The following EHF variants were observed in gnomAD, a reference collection of about 807,000 sequenced individuals.
The protein encoded by EHF is ESE3 transcription factor.
In EHF, 14 loss-of-function variants were observed where a neutral mutation model predicts 45.1. The ratio of observed to expected loss-of-function variants is 0.31; its 90% confidence interval spans 0.21 to 0.49. The LOEUF is 0.49. Ranked by LOEUF, EHF falls within the 20% of genes least tolerant of loss-of-function variation. EHF has a pLI of 0.99. For missense variants in EHF, 282 were observed against 371.4 expected (o/e 0.76, Z 1.98); for synonymous variants, 136 against 131.8 (o/e 1.03, Z -0.22).
chr11:34,632,436 T>A, intron 1 of EHF: 7 of 1,474,244 alleles, frequency 4.7e-6, no homozygotes, highest in Non-Finnish European at 6.3e-6. Flanking sequence ...CACCATTGTC[T>A]CAGAGAGAGA....
At chr11:34,637,435 CT>C (rs1236677911) in intron 1 of EHF, among the ~76,000 whole-genome samples, 3 of 152,178 alleles carry the variant, frequency 2.0e-5, no homozygotes, top group Non-Finnish European at 4.4e-5. Flanking sequence ...TGAAACTGCC[CT>C]TAAAAGAAGT....
At chr11:34,635,828 T>C (rs919789749) in intron 1 of EHF, among the ~76,000 whole-genome samples, 1 of 151,358 alleles carries the variant, frequency 6.6e-6, no homozygotes, top group Admixed American at 6.6e-5. Flanking sequence ...ATGTGTCTAG[T>C]GAGAGGAAGA....
At chr11:34,655,310 G>C (rs1855556485) in intron 6 of EHF, among the ~76,000 whole-genome samples, 1 of 152,198 alleles carries the variant, frequency 6.6e-6, no homozygotes. Flanking sequence ...GATTAGCTGG[G>C]TGATAAGATG....
intron 1 of EHF, among the ~76,000 whole-genome samples, chr11:34,640,022 CTTT>C (rs72277773): frequency 6.9e-6 from 1 of 145,972 alleles, no homozygotes. Flanking sequence ...TTATTAAATT[CTTT>C]TTTTTTTTTT....
chr11:34,637,256 G>C (rs1286212641), intron 1 of EHF, among the ~76,000 whole-genome samples: 4 of 152,068 alleles, frequency 2.6e-5, no homozygotes, highest in Non-Finnish European at 2.9e-5. Flanking sequence ...CCCCTTCATG[G>C]GTCCAGGCTG....
chr11:34,659,987 C>T lies in EHF; in HGVS notation c.*1056C>T, dbSNP rs954603963. 6.6e-6 allele frequency: 1 copy of T among 151,916 alleles called. No homozygotes were observed. Among genetic ancestry groups the T allele is most frequent in the Non-Finnish European group, 1.5e-5 (1 of 67,982 alleles). 9.4% of individuals were successfully genotyped at this position (151,916 alleles called of 1,614,324 possible). ...TGTTCCCTGGGGGTGGCAAATTTGC[C>T]CTTGATTGAGAACCACCAGTTTAGC... On this transcript the variant is annotated 3_prime_UTR_variant, in exon 9 of 9. Coordinates refer to ENST00000257831, the MANE Select transcript of EHF (RefSeq NM_012153.6).
Position 34,659,056 on chromosome 11 carries a change from A to G in EHF, c.*125A>G. 2 of 667,794 alleles carry G rather than the reference A, an allele frequency of 3.0e-6. No homozygotes were observed. Among genetic ancestry groups the G allele is most frequent in the South Asian group, 4.5e-5 (2 of 44,292 alleles). 41.4% of individuals were successfully genotyped at this position (667,794 alleles called of 1,614,324 possible). A position where few individuals can be genotyped will look rare whatever the true frequency, so the allele number is the denominator to read the frequency against. On this transcript the variant is annotated 3_prime_UTR_variant, in exon 9 of 9. Coordinates refer to ENST00000257831, the MANE Select transcript of EHF (RefSeq NM_012153.6). ...TTTATGTACCATGAGGGGAACAAGA[A>G]ACTACTTCTAACGGGAAGAAGAAAC... is the stretch of plus-strand genomic sequence containing the variant.
At chr11:34,655,972 G>A (rs569630402) in intron 6 of EHF, among the ~76,000 whole-genome samples, 14 of 152,062 alleles carry the variant, frequency 9.2e-5, no homozygotes, top group Non-Finnish European at 1.6e-4. Flanking sequence ...TAATTGGCTT[G>A]TATTTAGGGA....
chr11:34,623,739 C>G (rs189225808), intron 1 of EHF, among the ~76,000 whole-genome samples: 1 of 152,174 alleles, frequency 6.6e-6, no homozygotes, highest in Non-Finnish European at 1.5e-5. Flanking sequence ...TGGAATCTTG[C>G]GATATTTTAT....
chr11:34,638,464 G>C (rs1853665406), intron 1 of EHF, among the ~76,000 whole-genome samples: 2 of 152,160 alleles, frequency 1.3e-5, no homozygotes, highest in South Asian at 2.1e-4. Flanking sequence ...TTCTCCGGGA[G>C]AGGAAATGGC....
chr11:34,647,717 AC>A (rs1172357190), intron 3 of EHF, among the ~76,000 whole-genome samples: 1 of 152,194 alleles, frequency 6.6e-6, no homozygotes, highest in Non-Finnish European at 1.5e-5. Flanking sequence ...ACTGAAGAGG[AC>A]CTGGGGCCTT....
intron 5 of EHF, 46 bp from the exon 6 acceptor site, chr11:34,651,691 G>T (rs753185256): frequency 3.0e-5 from 49 of 1,609,940 alleles, no homozygotes; most frequent in Admixed American, 2.3e-4. Context: ...TTGTGAGGTG[G>T]GGGGAGGGGG....
At chr11:34,636,807 C>A (rs187741374) in intron 1 of EHF, among the ~76,000 whole-genome samples, 4,450 of 152,180 alleles carry the variant, frequency 0.029, 83 homozygotes, top group Middle Eastern at 0.054. Flanking sequence ...CCAAGGCAGG[C>A]AGATCACCTG....
At chr11:34,651,688 G>A (rs1161683259) in intron 5 of EHF, 49 bp from the exon 6 acceptor site, 3 of 1,610,522 alleles carry the variant, frequency 1.9e-6, no homozygotes, top group Admixed American at 1.7e-5. Flanking sequence ...CTATTGTGAG[G>A]TGGGGGGAGG....
intron 1 of EHF, among the ~76,000 whole-genome samples, chr11:34,633,103 C>A (rs1473124835): frequency 6.6e-6 from 1 of 152,146 alleles, no homozygotes; most frequent in Admixed American, 6.5e-5. Flanking sequence ...TGCAAGTAAC[C>A]ATCAGAGAGA....
Position 34,621,632 on chromosome 11 carries a change from G to A in EHF, c.-4+404G>A, listed in dbSNP as rs560810708. On this transcript the variant is annotated intron_variant, in intron 1 of 8. Coordinates refer to ENST00000257831, the MANE Select transcript of EHF (RefSeq NM_012153.6). ...GTAGCTGTTAGGGCTCAGAGTACAC[G>A]GTCTCGCTTTCTAGAGATGTCTTCT... Among the ~76,000 whole-genome samples the A allele has an allele frequency of 1.1e-4, 16 of 152,236 alleles. No individual in the cohort carries two copies. The South Asian group carries it at 1.7e-3, about 16-fold the overall frequency.
rs186700186 is a variant in EHF at position 34,652,432 on chromosome 11, C to T, written c.544+627C>T. ...AACTGGGGCTATCCATGCTCCTTAA[C>T]CAAGGTTACACTGGGTGAGAAGTTT... On this transcript the variant is annotated intron_variant, in intron 6 of 8. Transcript: ENST00000257831. Among the ~76,000 whole-genome samples the T allele has an allele frequency of 8.5e-5, 13 of 152,322 alleles. No homozygotes were observed. In the East Asian group the frequency reaches 2.5e-3, roughly 29 times the overall value.
chr11:34,655,046 T>A (rs1565045928), intron 6 of EHF, among the ~76,000 whole-genome samples: 1 of 152,188 alleles, frequency 6.6e-6, no homozygotes, highest in Non-Finnish European at 1.5e-5. Context: ...CGCAATATTG[T>A]CACATCCTGA....
intron 1 of EHF, chr11:34,632,765 A>G: frequency 3.9e-6 from 5 of 1,274,816 alleles, no homozygotes; most frequent in Non-Finnish European, 5.5e-6. Flanking sequence ...AGGAGCCACT[A>G]TTATTTTGGA....
Sources: gnomAD v4.1 joint callset for allele counts (sites outside exome capture counted in the v4.1 genomes callset) on GRCh38, gnomAD v4.1.1 for gene constraint, MANE v1.5 for transcripts, NCBI Gene and HGNC (gene_info 2026-07-23, HGNC 2026-07-21) for gene names.